The following TBC1D9B variants were observed in gnomAD, a reference collection of about 807,000 sequenced individuals.
TBC1D9B encodes the protein TBC1 domain family, member 9B (with GRAM domain).
Under a neutral mutation model 121.1 loss-of-function variants are expected in TBC1D9B, and 87 were observed. The observed-to-expected ratio is 0.72, with a 90% CI of 0.60 to 0.86. TBC1D9B has a LOEUF of 0.86. Among genes scored for constraint, TBC1D9B ranks in the 40% least tolerant of loss-of-function variants. The pLI is 0.00. For synonymous variants in TBC1D9B, 668 were observed against 670.1 expected, an observed-to-expected ratio of 1.00 and a Z score of 0.05; for missense variants, 1,540 against 1,628.6, an observed-to-expected ratio of 0.95 and a Z score of 0.94.
At chr5:179,871,359 C>CCTATTT (rs1330750418) in intron 15 of TBC1D9B, 103 bp downstream of exon 15, 1 of 1,167,236 alleles carries the variant, frequency 8.6e-7, no homozygotes, top group African/African-American at 1.5e-5. Context: ...TATTCTATTC[C>CCTATTT]CTATTTCTAT....
chr5:179,867,268 A>T, intron 18 of TBC1D9B: 1 of 683,222 alleles, frequency 1.5e-6, no homozygotes, highest in Non-Finnish European at 2.4e-6. Flanking sequence ...CCGCCCACCT[A>T]CAGCAGACAC....
At chr5:179,869,542 G>A (rs542645127) in intron 17 of TBC1D9B, 10 of 679,434 alleles carry the variant, frequency 1.5e-5, no homozygotes, top group African/African-American at 1.1e-4. Flanking sequence ...AGCAGTGCCC[G>A]GTCACCCATG....
At chr5:179,873,453 C>T (rs1424860685) in intron 12 of TBC1D9B, among the ~76,000 whole-genome samples, 1 of 152,206 alleles carries the variant, frequency 6.6e-6, no homozygotes, top group South Asian at 2.1e-4. Flanking sequence ...GCAGTGCCCC[C>T]GACAAGGCCT....
At chr5:179,879,900 G>A in intron 7 of TBC1D9B, 111 bp from the exon 8 acceptor site, 3 of 1,288,918 alleles carry the variant, frequency 2.3e-6, no homozygotes, top group Non-Finnish European at 3.1e-6. Flanking sequence ...AAGGGCCATG[G>A]GGGCAAACGG....
intron 2 of TBC1D9B, among the ~76,000 whole-genome samples, chr5:179,899,969 C>T (rs11959664): frequency 0.017 from 2,581 of 152,274 alleles, 70 homozygotes; most frequent in African/African-American, 0.059. Flanking sequence ...GTGTCTCATG[C>T]CTGTAATCCC....
Position 179,899,176 on chromosome 5 carries a change from G to A in TBC1D9B, c.348+13C>T, listed in dbSNP as rs200698911. 3.9e-5 allele frequency: 62 copies of A among 1,570,290 alleles called. No individual in the cohort carries two copies. The African/African-American group carries it at 4.0e-4, about 10-fold the overall frequency. The stretch of plus-strand genomic sequence containing the variant: ...GGGAAGGGTGAGAACAGAGAGTGGC[G>A]GGTAAACCTTACGTGTATCTTGCCC... On this transcript the variant is annotated intron_variant, in intron 3 of 20. Coordinates refer to ENST00000355235, the MANE Select transcript of TBC1D9B (RefSeq NM_015043.4).
chr5:179,900,152 G>A (rs1324668381), intron 2 of TBC1D9B, among the ~76,000 whole-genome samples: 1 of 152,106 alleles, frequency 6.6e-6, no homozygotes, highest in Non-Finnish European at 1.5e-5. Context: ...CCTGGGAGGC[G>A]GAGGCTACAG....
intron 9 of TBC1D9B, 27 bp downstream of exon 9, chr5:179,879,020 G>C: frequency 6.3e-7 from 1 of 1,595,534 alleles, no homozygotes; most frequent in Non-Finnish European, 8.5e-7. Flanking sequence ...GCTGAGCTGA[G>C]GCTGGGGGTG....
chr5:179,902,447 G>A lies in TBC1D9B; in HGVS notation c.229+2255C>T, dbSNP rs1582107602. Among the ~76,000 whole-genome samples the A allele has an allele frequency of 6.6e-6, 1 of 152,274 alleles. No homozygotes were observed. Among genetic ancestry groups the A allele is most frequent in the South Asian group, 2.1e-4 (1 of 4,818 alleles). ...TGCTGGCAGGGCCATGTCTGGTCTT[G>A]GTGAGTTGCTTCTGGGGCCTAGCCT... On this transcript the variant is annotated intron_variant, in intron 2 of 20. Transcript: ENST00000355235. The surrounding 1 kb of genome is among the most constrained non-coding windows in gnomAD (Gnocchi z 4.9).
In TBC1D9B at chr5:179,865,812, G is replaced by C; in HGVS notation, c.2914+26C>G. 1 of 1,578,264 alleles carries C rather than the reference G, an allele frequency of 6.3e-7. No homozygotes were observed. The highest frequency in any genetic ancestry group is 8.6e-7 in the Non-Finnish European group (1 of 1,161,764). On this transcript the variant is annotated intron_variant, in intron 19 of 20. Coordinates refer to ENST00000355235, the MANE Select transcript of TBC1D9B (RefSeq NM_015043.4). This position sits in a 1 kb window ranked among gnomAD's most constrained non-coding sequence, Gnocchi z 5.1. ...GGTGCCTCAACGCTGGGGTCTCTAA[G>C]AACAGCGGCAGAGAATGGCCTGTAC...
chr5:179,878,930 A>T, intron 9 of TBC1D9B, 117 bp downstream of exon 9: 2 of 1,384,964 alleles, frequency 1.4e-6, no homozygotes, highest in Non-Finnish European at 1.9e-6. Context: ...TGTGTGAAAG[A>T]GCTGGGAGCT....
At position 179,865,877 on chromosome 5, in the gene TBC1D9B, G is replaced by A. The variant is rs771788632; in HGVS notation, c.2875C>T (p.Gln959Ter). ...CTTCCACTTCCTTCTTGCTCTTCCT[G>A]TGGTAGTGCTTCTGGACAAACGCAA... is the stretch of plus-strand genomic sequence containing the variant. ...EDSSSEEALPQEEQEGSGSEE... is the reference protein window; with the variant it reads ...EDSSSEEALP The change falls in exon 19 of 21, where the codon CAG becomes TAG. Residue 959 changes from glutamine (Q) to a stop codon, truncating the protein, a stop_gained. Transcript: ENST00000355235. LOFTEE classifies it high-confidence loss of function. The surrounding 1 kb of genome is among the most constrained non-coding windows in gnomAD (Gnocchi z 5.1). 6.2e-7 allele frequency: 1 copy of A among 1,613,624 alleles called. No homozygotes were observed. Among genetic ancestry groups the A allele is most frequent in the South Asian group, 1.1e-5 (1 of 91,034 alleles).
Position 179,907,585 on chromosome 5 carries a change from C to T in TBC1D9B, c.118+119G>A. 4.5e-6 allele frequency: 2 copies of T among 447,092 alleles called. No homozygotes were observed. Among genetic ancestry groups the T allele is most frequent in the Non-Finnish European group, 5.9e-6 (2 of 340,482 alleles). The allele number at this position is 447,092 out of a possible 1,614,324, so 27.7% of individuals were successfully genotyped here. ...CCCCGCCCCGCCGCGCGCTGGCGTG[C>T]GTGTCCGCCGCGACGCGCCGAGGCC... On this transcript the variant is annotated intron_variant, in intron 1 of 20. Transcript: ENST00000355235. This position sits in a 1 kb window ranked among gnomAD's most constrained non-coding sequence, Gnocchi z 5.3.
In TBC1D9B at chr5:179,894,522, C is replaced by G. The variant is rs369943097; in HGVS notation, c.441G>C (p.Gln147His). ...FKEAELKMRK[Q>H]FGMPEGEKLV... is the part of the protein sequence containing the mutation. ...GCTTCTCGCCCTCAGGCATCCCAAA[C>G]TGCTTCCGCATCTTCAGCTCAGCCT... Residue 147 changes from glutamine (Q) to histidine (H), a missense_variant, in exon 4 of 21, where the codon CAG becomes CAC. Coordinates refer to ENST00000355235, the MANE Select transcript of TBC1D9B (RefSeq NM_015043.4). The G allele has an allele frequency of 6.2e-7, 1 of 1,614,280 alleles. No individual in the cohort carries two copies. The highest frequency in any genetic ancestry group is 2.2e-5 in the East Asian group (1 of 44,892).
intron 3 of TBC1D9B, among the ~76,000 whole-genome samples, chr5:179,897,316 C>CTTT (rs71001055): frequency 1.4e-5 from 2 of 141,440 alleles, no homozygotes; most frequent in Non-Finnish European, 3.1e-5. Context: ...ATTTTCTTTT[C>CTTT]TTTTTTTTTT....
Position 179,870,297 on chromosome 5 carries a change from T to G in TBC1D9B, c.2683A>C (p.Lys895Gln). ...TCCTTGAAGTTGATCAGCGAGTCCTTGTTTTCGTCCAGGAGCCTGAACATG... is the reference window on the plus strand; with the variant it reads ...TCCTTGAAGTTGATCAGCGAGTCCTGGTTTTCGTCCAGGAGCCTGAACATG... ...GRMFRLLDENKDSLINFKEFV... is the reference protein window; with the variant it reads ...GRMFRLLDENQDSLINFKEFV... The change falls in exon 16 of 21, where the codon AAG becomes CAG. Residue 895 changes from lysine (K) to glutamine (Q), a missense_variant. Transcript: ENST00000355235. The G allele has an allele frequency of 1.2e-6, 2 of 1,613,858 alleles. No homozygotes were observed.
chr5:179,893,619 C>T lies in TBC1D9B; in HGVS notation c.578-152G>A, dbSNP rs1306217626. The stretch of plus-strand genomic sequence containing the variant: ...GCCTGTCTGGGCTGTGTCACGCCCT[C>T]CATGTGGAGGGACCAGGCCACTGAG... On this transcript the variant is annotated intron_variant, in intron 4 of 20. Transcript: ENST00000355235. 8 of 1,091,112 alleles carry T rather than the reference C, an allele frequency of 7.3e-6. No individual in the cohort carries two copies. In the East Asian group the frequency reaches 1.8e-4, roughly 25 times the overall value. The allele number at this position is 1,091,112 out of a possible 1,614,324, so 67.6% of individuals were successfully genotyped here. A position where few individuals can be genotyped will look rare whatever the true frequency, so the allele number is the denominator to read the frequency against.
chr5:179,875,235 G>A lies in TBC1D9B; in HGVS notation c.1901-48C>T, dbSNP rs777425980. 1 of 1,591,676 alleles carries A rather than the reference G, an allele frequency of 6.3e-7. No homozygotes were observed. The highest frequency in any genetic ancestry group is 8.5e-7 in the Non-Finnish European group (1 of 1,171,472). On this transcript the variant is annotated intron_variant, in intron 11 of 20. Transcript: ENST00000355235. The surrounding 1 kb of genome is among the most constrained non-coding windows in gnomAD (Gnocchi z 4.5). ...TGATGGTGAGCCCACCCTGTGGCCT[G>A]GGTGGGCCCTCACCTGCAGCGTACG...
At chr5:179,878,757 T>A (rs531215668) in intron 9 of TBC1D9B, among the ~76,000 whole-genome samples, 80 of 152,256 alleles carry the variant, frequency 5.3e-4, no homozygotes, top group African/African-American at 1.8e-3. Flanking sequence ...TCAGAGCCTG[T>A]CCCAAGGAAA....
Sources: gnomAD v4.1 joint callset for allele counts (sites outside exome capture counted in the v4.1 genomes callset) on GRCh38, gnomAD v4.1.1 for gene constraint, Gnocchi (gnomAD v3.1) non-coding constraint, MANE v1.5 for transcripts, NCBI Gene and HGNC (gene_info 2026-07-23, HGNC 2026-07-21) for gene names.